Variants in CCDC178 observed in about 807,000 individuals in gnomAD.
CCDC178 encodes coiled-coil domain-containing protein 178.
In CCDC178, 126 loss-of-function variants were observed where a neutral mutation model predicts 117.4. The ratio of observed to expected loss-of-function variants is 1.07; its 90% CI spans 0.93 to 1.24. CCDC178 has a LOEUF of 1.24. CCDC178 is among the 50% of genes most tolerant of loss of function. CCDC178 has a pLI of 0.00. For synonymous variants in CCDC178, 283 were observed against 313.4 expected (o/e 0.90, Z 1.02); for missense variants, 1,030 against 986.9 (o/e 1.04, Z -0.59).
chr18:33,177,404 C>A (rs1444195245), intron 20 of CCDC178, among the ~76,000 whole-genome samples: 2 of 152,142 alleles, frequency 1.3e-5, no homozygotes, highest in African/African-American at 4.8e-5. Flanking sequence ...AAAAAACCAT[C>A]TTATCTGCCA....
intron 11 of CCDC178, among the ~76,000 whole-genome samples, chr18:33,301,141 T>C (rs1486936008): frequency 6.6e-6 from 1 of 152,158 alleles, no homozygotes; most frequent in African/African-American, 2.4e-5. Flanking sequence ...GCTACAATTA[T>C]GGCTCAAAGG....
At chr18:33,373,180 C>T (rs2063322616) in intron 5 of CCDC178, among the ~76,000 whole-genome samples, 1 of 152,142 alleles carries the variant, frequency 6.6e-6, no homozygotes, top group Non-Finnish European at 1.5e-5. Context: ...TTAGAGTTAT[C>T]ACATTTTCAT....
intron 20 of CCDC178, among the ~76,000 whole-genome samples, chr18:33,147,501 G>C (rs1047018336): frequency 3.3e-5 from 5 of 151,346 alleles, no homozygotes; most frequent in African/African-American, 1.2e-4. Flanking sequence ...GTTTTCCTAG[G>C]CAGAGGACCC....
At chr18:33,300,913 C>G (rs979542692) in intron 11 of CCDC178, among the ~76,000 whole-genome samples, 2 of 152,154 alleles carry the variant, frequency 1.3e-5, no homozygotes, top group African/African-American at 4.8e-5. Flanking sequence ...TGCAGAACAA[C>G]CACTTGCTAG....
chr18:33,267,183 T>C lies in CCDC178; in HGVS notation c.1272+19A>G, dbSNP rs535833428. On this transcript the variant is annotated intron_variant, in intron 13 of 22. Transcript: ENST00000383096. ...AGAAAATGGCGTTCTAAGTGGGAAG[T>C]AGGAAAAAATCAACTTACTGCAGCA... 4 of 1,567,906 alleles carry C rather than the reference T, an allele frequency of 2.6e-6. No individual in the cohort carries two copies. The highest frequency in any genetic ancestry group is 2.0e-5 in the Admixed American group (1 of 49,942).
chr18:33,249,507 C>T (rs2059591658), intron 14 of CCDC178, among the ~76,000 whole-genome samples: 1 of 152,082 alleles, frequency 6.6e-6, no homozygotes, highest in African/African-American at 2.4e-5. Context: ...TTTCCCAGCA[C>T]CATTTACTAA....
chr18:33,116,693 T>C (rs936474007), intron 20 of CCDC178, among the ~76,000 whole-genome samples: 2 of 147,232 alleles, frequency 1.4e-5, no homozygotes, highest in Admixed American at 1.3e-4. Context: ...CAACTAGAAA[T>C]GCACTCAGGT....
intron 20 of CCDC178, among the ~76,000 whole-genome samples, chr18:33,190,750 T>C (rs546122951): frequency 1.3e-5 from 2 of 152,212 alleles, no homozygotes; most frequent in African/African-American, 2.4e-5. Flanking sequence ...AATAGAGGAT[T>C]ATCCTTCACA....
chr18:33,225,190 T>C (rs2059288146), intron 16 of CCDC178, among the ~76,000 whole-genome samples: 1 of 151,498 alleles, frequency 6.6e-6, no homozygotes, highest in Non-Finnish European at 1.5e-5. Flanking sequence ...TGAGGCAGAG[T>C]CTTGCTCTGT....
At chr18:33,013,156 C>A (rs2055908242) in intron 21 of CCDC178, among the ~76,000 whole-genome samples, 1 of 152,138 alleles carries the variant, frequency 6.6e-6, no homozygotes, top group Non-Finnish European at 1.5e-5. Flanking sequence ...ATTTTACTCC[C>A]ACCAAGCTTT....
At chr18:33,140,415 A>G (rs1438525908) in intron 20 of CCDC178, among the ~76,000 whole-genome samples, 1 of 152,104 alleles carries the variant, frequency 6.6e-6, no homozygotes, top group African/African-American at 2.4e-5. Context: ...GGGAAGTTGT[A>G]CCCTGCAAAG....
intron 20 of CCDC178, among the ~76,000 whole-genome samples, chr18:33,138,798 T>C (rs1049157169): frequency 6.6e-6 from 1 of 152,178 alleles, no homozygotes; most frequent in Admixed American, 6.5e-5. Context: ...AAAGCCCTTC[T>C]TCCAATCATG....
At chr18:33,317,136 C>G (rs1361345882) in intron 11 of CCDC178, among the ~76,000 whole-genome samples, 1 of 152,110 alleles carries the variant, frequency 6.6e-6, no homozygotes, top group Non-Finnish European at 1.5e-5. Flanking sequence ...AAGCTTTGTT[C>G]TTTCGCTCTT....
At chr18:33,082,465 C>A (rs1451982064) in intron 21 of CCDC178, among the ~76,000 whole-genome samples, 2 of 152,066 alleles carry the variant, frequency 1.3e-5, no homozygotes, top group African/African-American at 4.8e-5. Context: ...GTGAGACCCC[C>A]ATATCAAAAA....
chr18:33,316,178 G>A (rs2062412540), intron 11 of CCDC178, among the ~76,000 whole-genome samples: 1 of 152,218 alleles, frequency 6.6e-6, no homozygotes, highest in Admixed American at 6.5e-5. Context: ...CCCCTTTTTG[G>A]GCTGGCCAAG....
chr18:33,115,135 G>C (rs1380769412), intron 20 of CCDC178, among the ~76,000 whole-genome samples: 2 of 152,000 alleles, frequency 1.3e-5, no homozygotes, highest in South Asian at 4.1e-4. Context: ...TTCCTTGCTT[G>C]GTTCTTTTCT....
chr18:33,364,824 G>A (rs2063179220), intron 6 of CCDC178, among the ~76,000 whole-genome samples: 1 of 145,770 alleles, frequency 6.9e-6, no homozygotes, highest in African/African-American at 2.6e-5. Flanking sequence ...AGCCACCACA[G>A]ACTACTAGAA....
At chr18:33,360,041 A>G (rs987861337) in intron 6 of CCDC178, among the ~76,000 whole-genome samples, 3 of 151,416 alleles carry the variant, frequency 2.0e-5, no homozygotes, top group Non-Finnish European at 4.4e-5. Context: ...GAAAATAATT[A>G]ACCTTATGTT....
intron 6 of CCDC178, among the ~76,000 whole-genome samples, chr18:33,364,732 CTTTTTTT>C (rs34988094): frequency 9.0e-6 from 1 of 110,822 alleles, no homozygotes; most frequent in African/African-American, 3.3e-5. Context: ...GTTGTCGCTC[CTTTTTTT>C]TTTTTTTTTT....
Sources: gnomAD v4.1 joint callset for allele counts (sites outside exome capture counted in the v4.1 genomes callset) on GRCh38, gnomAD v4.1.1 for gene constraint, MANE v1.5 for transcripts, NCBI Gene and HGNC (gene_info 2026-07-23, HGNC 2026-07-21) for gene names.